Variants in EFCAB11 observed in about 807,000 individuals in gnomAD.
EFCAB11 encodes the protein EF-hand calcium binding domain 11.
In EFCAB11, 14 loss-of-function variants were observed where a neutral mutation model predicts 23.0. That is an observed-to-expected ratio of 0.61 (90% CI 0.40 to 0.95). The LOEUF is 0.95. EFCAB11 is among the 40% of genes least tolerant of loss of function. The pLI, the probability that EFCAB11 is intolerant of heterozygous loss-of-function variation, is 0.00. For synonymous variants in EFCAB11, 65 were observed against 66.6 expected (o/e 0.98, Z 0.11); for missense variants, 198 against 195.8 (o/e 1.01, Z -0.07).
rs530698177 is a variant in EFCAB11 at position 89,828,291 on chromosome 14, A to T, written c.411-30967T>A. ...TTTATGACTGACTTTATACGTTTTA[A>T]TTTTTAATCAGAATTTTTAACTTTG... is the stretch of plus-strand genomic sequence containing the variant. On this transcript the variant is annotated intron_variant, in intron 5 of 5. Coordinates refer to ENST00000316738, the MANE Select transcript of EFCAB11 (RefSeq NM_145231.4). 1.0e-3 allele frequency among the ~76,000 whole-genome samples: 158 copies of T among 152,342 alleles called. 1 individual carries two copies. The highest frequency in any genetic ancestry group is 1.9e-3 in the Non-Finnish European group (130 of 68,026).
chr14:89,818,933 G>A (rs1886419398), intron 5 of EFCAB11, among the ~76,000 whole-genome samples: 1 of 152,120 alleles, frequency 6.6e-6, no homozygotes, highest in South Asian at 2.1e-4. Context: ...ATGAAAACAG[G>A]TACAGCCACT....
intron 5 of EFCAB11, among the ~76,000 whole-genome samples, chr14:89,845,362 AAGG>A (rs1297356254): frequency 6.6e-6 from 1 of 152,244 alleles, no homozygotes; most frequent in African/African-American, 2.4e-5. Context: ...TATGATTTTC[AAGG>A]AGGTCTTAAA....
At chr14:89,849,808 A>G (rs1436637536) in intron 5 of EFCAB11, among the ~76,000 whole-genome samples, 1 of 152,172 alleles carries the variant, frequency 6.6e-6, no homozygotes, top group East Asian at 1.9e-4. Flanking sequence ...AGAAATGAAG[A>G]AACCAGATAC....
At chr14:89,863,638 T>G (rs1887997668) in intron 5 of EFCAB11, among the ~76,000 whole-genome samples, 1 of 152,266 alleles carries the variant, frequency 6.6e-6, no homozygotes, top group Admixed American at 6.5e-5. Context: ...GAAGTGTGTC[T>G]TCTACTTCTC....
chr14:89,954,751 G>A, upstream of EFCAB11: 1 of 1,525,784 alleles, frequency 6.6e-7, no homozygotes. Flanking sequence ...CGCCCACCGC[G>A]GCTCAGGAAG....
rs563108769 is a variant in EFCAB11, at chr14:89,930,165, C to T, written c.410+1376G>A. ...TATGCATCTGGCTTTAACTTCTTTG[C>T]TCTTCTTCAATAGCTTGCTCAGTAG... is the stretch of plus-strand genomic sequence containing the variant. On this transcript the variant is annotated intron_variant, in intron 5 of 5. Coordinates refer to ENST00000316738, the MANE Select transcript of EFCAB11 (RefSeq NM_145231.4). Among the ~76,000 whole-genome samples the T allele has an allele frequency of 2.6e-5, 4 of 152,358 alleles. No homozygotes were observed. In the South Asian group the frequency reaches 6.2e-4, roughly 24 times the overall value.
chr14:89,865,310 T>C (rs563370595), intron 5 of EFCAB11, among the ~76,000 whole-genome samples: 1 of 152,262 alleles, frequency 6.6e-6, no homozygotes, highest in South Asian at 2.1e-4. Flanking sequence ...CATTATAACC[T>C]GGGAAAAGGC....
At chr14:89,935,619 AATCC>A (rs1890555002) in intron 3 of EFCAB11, among the ~76,000 whole-genome samples, 1 of 152,206 alleles carries the variant, frequency 6.6e-6, no homozygotes, top group Non-Finnish European at 1.5e-5. Flanking sequence ...TCATGCCTAT[AATCC>A]TAACACTTTG....
At chr14:89,917,708 A>C (rs1324616660) in intron 5 of EFCAB11, among the ~76,000 whole-genome samples, 1 of 152,244 alleles carries the variant, frequency 6.6e-6, no homozygotes, top group Non-Finnish European at 1.5e-5. Context: ...TAATCAAATA[A>C]AAAATTCTGA....
In EFCAB11 at chr14:89,932,633, A is replaced by G; in HGVS notation, c.218-6T>C. ...AAACCCCTCGAGTAATATACCTAAA[A>G]GTTGGGGAAAAAACAATTTGTCAAA... On this transcript the variant is annotated splice_polypyrimidine_tract_variant and splice_region_variant and intron_variant, in intron 3 of 5. Transcript: ENST00000316738. The G allele has an allele frequency of 6.2e-7, 1 of 1,607,212 alleles. No individual in the cohort carries two copies. Among genetic ancestry groups the G allele is most frequent in the Non-Finnish European group, 8.5e-7 (1 of 1,174,672 alleles).
At chr14:89,902,347 T>G (rs1400564068) in intron 5 of EFCAB11, among the ~76,000 whole-genome samples, 1 of 152,200 alleles carries the variant, frequency 6.6e-6, no homozygotes, top group African/African-American at 2.4e-5. Flanking sequence ...TGCAGTGTTT[T>G]ATCTCTATCT....
At chr14:89,908,460 G>A (rs1309572665) in intron 5 of EFCAB11, among the ~76,000 whole-genome samples, 1 of 152,110 alleles carries the variant, frequency 6.6e-6, no homozygotes, top group African/African-American at 2.4e-5. Flanking sequence ...CCATACATAA[G>A]TATTTAAGAC....
chr14:89,924,718 G>A, intron 5 of EFCAB11: 1 of 1,534,568 alleles, frequency 6.5e-7, no homozygotes, highest in South Asian at 1.2e-5. Flanking sequence ...ATTAATTCAT[G>A]AAAATCACAT....
intron 3 of EFCAB11, among the ~76,000 whole-genome samples, chr14:89,949,452 C>T (rs1891088672): frequency 1.3e-5 from 2 of 152,134 alleles, no homozygotes; most frequent in Admixed American, 1.3e-4. Flanking sequence ...GCAATCTCTA[C>T]CTCCTCAGTT....
At chr14:89,810,654 G>A (rs1475139237) in intron 5 of EFCAB11, among the ~76,000 whole-genome samples, 1 of 151,708 alleles carries the variant, frequency 6.6e-6, no homozygotes, top group Non-Finnish European at 1.5e-5. Flanking sequence ...TACTTAGGAG[G>A]CTGAGGCAGG....
chr14:89,826,134 AATT>A (rs1194918813), intron 5 of EFCAB11, among the ~76,000 whole-genome samples: 1 of 152,092 alleles, frequency 6.6e-6, no homozygotes, highest in African/African-American at 2.4e-5. Flanking sequence ...ATACATTTAG[AATT>A]ATTATGTCTT....
intron 5 of EFCAB11, among the ~76,000 whole-genome samples, chr14:89,911,482 G>A (rs28367384): frequency 0.13 from 19,314 of 152,230 alleles, 3,396 homozygotes; most frequent in African/African-American, 0.4. Context: ...CCCTCCCAAC[G>A]TGCTCCGCAC....
At chr14:89,941,978 G>C (rs916379817) in intron 3 of EFCAB11, among the ~76,000 whole-genome samples, 1 of 152,090 alleles carries the variant, frequency 6.6e-6, no homozygotes, top group Non-Finnish European at 1.5e-5. Context: ...GAATCATGAG[G>C]GCTGACTTCC....
intron 5 of EFCAB11, among the ~76,000 whole-genome samples, chr14:89,832,007 T>TA: frequency 6.6e-6 from 1 of 152,132 alleles, no homozygotes; most frequent in East Asian, 1.9e-4. Context: ...AGGCATAACT[T>TA]AGAGATCTAA....
Sources: allele counts gnomAD v4.1 joint callset (sites outside exome capture counted in the v4.1 genomes callset), GRCh38; gene constraint gnomAD v4.1.1; transcripts MANE v1.5; gene names NCBI Gene and HGNC (gene_info 2026-07-23, HGNC 2026-07-21).